The following TMEM67 variants were observed in gnomAD, a reference collection of about 807,000 sequenced individuals.
The protein encoded by TMEM67 is transmembrane protein 67.
Under a neutral mutation model 136.6 loss-of-function variants are expected in TMEM67, and 124 were observed. The ratio of observed to expected loss-of-function variants is 0.91; its 90% confidence interval spans 0.78 to 1.05. The LOEUF is 1.05. TMEM67 is among the 50% of genes least tolerant of loss of function. The pLI is 0.00. For missense variants in TMEM67, 1,107 were observed against 1,178.4 expected (o/e 0.94, Z 0.89); for synonymous variants, 364 against 390.5 (o/e 0.93, Z 0.80).
chr8:93,796,037 TA>T, intron 18 of TMEM67, 50 bp downstream of exon 18: 1 of 1,154,538 alleles, frequency 8.7e-7, no homozygotes, highest in Non-Finnish European at 1.3e-6. Context: ...GCTAATGAAC[TA>T]ACAAGTCTTT....
At chr8:93,815,501 T>G in intron 27 of TMEM67, 54 bp downstream of exon 27, 4 of 1,484,560 alleles carry the variant, frequency 2.7e-6, no homozygotes, top group Non-Finnish European at 3.7e-6. Context: ...GAGAAATATG[T>G]TAGAAGTAGA....
At chr8:93,789,054 C>A (rs1410385315) in intron 14 of TMEM67, among the ~76,000 whole-genome samples, 7 of 152,192 alleles carry the variant, frequency 4.6e-5, no homozygotes, top group Non-Finnish European at 8.8e-5. Context: ...CTATTCTCTT[C>A]TTTCTCTAAA....
intron 7 of TMEM67, among the ~76,000 whole-genome samples, chr8:93,778,783 A>G (rs754879112): frequency 5.3e-5 from 8 of 152,116 alleles, no homozygotes; most frequent in Non-Finnish European, 8.8e-5. Flanking sequence ...GGCTGCCCTG[A>G]ATATTTTTTC....
At chr8:93,756,658 A>G (rs1812585399) in intron 2 of TMEM67, 2 of 152,168 alleles carry the variant, frequency 1.3e-5, no homozygotes, top group Non-Finnish European at 2.9e-5. Context: ...ATTACCATTT[A>G]TTTTATATCT....
chr8:93,805,202 C>T (rs1645617621), intron 23 of TMEM67, among the ~76,000 whole-genome samples: 1 of 152,120 alleles, frequency 6.6e-6, no homozygotes, highest in Non-Finnish European at 1.5e-5. Context: ...GAATCCTGAC[C>T]TCAGGTGATC....
intron 23 of TMEM67, among the ~76,000 whole-genome samples, chr8:93,808,506 GAATATA>G (rs1808545901): frequency 1.3e-4 from 2 of 14,858 alleles, no homozygotes; most frequent in Non-Finnish European, 1.4e-4. Context: ...TATTATAGAT[GAATATA>G]TATATTTATA....
At chr8:93,826,904 A>T in the TMEM67 span, among the ~76,000 whole-genome samples, 1 of 152,128 alleles carries the variant, frequency 6.6e-6, no homozygotes, top group Non-Finnish European at 1.5e-5. Context: ...ATCTCGGCTC[A>T]CCGCAACCTC....
rs183049742 is a variant in TMEM67 at position 93,776,276 on chromosome 8, A to T, written c.714+3625A>T. On this transcript the variant is annotated intron_variant, in intron 7 of 27. Coordinates refer to ENST00000453321, the MANE Select transcript of TMEM67 (RefSeq NM_153704.6). ...GCTGAGACAATGGGGTTTTCTAAAT[A>T]TGCAATCATGTCTTCTGCAAACAGG... Among the ~76,000 whole-genome samples the T allele has an allele frequency of 8.5e-5, 13 of 152,320 alleles. No individual in the cohort carries two copies. The East Asian group carries it at 1.5e-3, about 18-fold the overall frequency.
chr8:93,797,490 AT>A lies in TMEM67; in HGVS notation c.2100+22del, dbSNP rs1262264931. The A allele has an allele frequency of 6.2e-7, 1 of 1,607,756 alleles. No homozygotes were observed. Among genetic ancestry groups the A allele is most frequent in the African/African-American group, 1.3e-5 (1 of 74,788 alleles). ...TTGGAGGTATAAACTGTTTGATGTGATTATATGCGACTTACATGTACCTTAT... is the reference window on the plus strand; with the variant it reads ...TTGGAGGTATAAACTGTTTGATGTGATATATGCGACTTACATGTACCTTAT... On this transcript the variant is annotated intron_variant, in intron 20 of 27. Coordinates refer to ENST00000453321, the MANE Select transcript of TMEM67 (RefSeq NM_153704.6).
At chr8:93,808,985 T>C (rs760525571) in intron 24 of TMEM67, 29 bp downstream of exon 24, 1 of 1,519,368 alleles carries the variant, frequency 6.6e-7, no homozygotes, top group Non-Finnish European at 9.1e-7. Flanking sequence ...TCAGATATAT[T>C]CTGTCAATAT....
Position 93,797,411 on chromosome 8 carries a change from CAG to C in TMEM67, c.2043_2044del (p.Gln681HisfsTer6). ...TGTAGCAAATGAATGGAATGAAATT[CAG>C]ACTGTGAGAAAAATTAATTCACTCT... ...YFVANEWNEI[Q>X]TVRKINSLFQ... On this transcript the variant is annotated frameshift_variant, in exon 20 of 28. Transcript: ENST00000453321. LOFTEE classifies it high-confidence loss of function. The C allele has an allele frequency of 6.2e-7, 1 of 1,613,894 alleles. No homozygotes were observed. The highest frequency in any genetic ancestry group is 8.5e-7 in the Non-Finnish European group (1 of 1,179,806).
the TMEM67 span, among the ~76,000 whole-genome samples, chr8:93,830,220 G>A: frequency 6.6e-6 from 1 of 152,142 alleles, no homozygotes; most frequent in African/African-American, 2.4e-5. Flanking sequence ...CTTCCAAATG[G>A]CTGAGCACAT....
At position 93,802,348 on chromosome 8, in the gene TMEM67, C is replaced by T. The variant is rs983609334; in HGVS notation, c.2242-1256C>T. Among the ~76,000 whole-genome samples the T allele has an allele frequency of 7.2e-5, 11 of 152,296 alleles. No individual in the cohort carries two copies. The South Asian group carries it at 1.2e-3, about 17-fold the overall frequency. ...CATCTTCTTGGCTAGAACTTAATTG[C>T]ATGGCCACACCTAGCTGCACTAGAC... On this transcript the variant is annotated intron_variant, in intron 21 of 27. Transcript: ENST00000453321.
rs570073642 is a variant in TMEM67, at chr8:93,795,144, T to C, written c.1675-265T>C. ...GGAGGATTCCCAACTAAGAGAAAAT[T>C]AGGAAGCAGTTCAATTTTCTTAGAT... On this transcript the variant is annotated intron_variant, in intron 16 of 27. Transcript: ENST00000453321. 8.4e-5 allele frequency: 44 copies of C among 524,284 alleles called. No individual in the cohort carries two copies. In the East Asian group the frequency reaches 1.3e-3, roughly 16 times the overall value. The allele number at this position is 524,284 out of a possible 1,614,324, so 32.5% of individuals were successfully genotyped here.
Position 93,782,467 on chromosome 8 carries a change from T to A in TMEM67, c.1131+7T>A. ...AACAACCTACCAACAAAATGTAAGT[T>A]TGAACGATATTAGTCTATATTTTAG... On this transcript the variant is annotated splice_region_variant and intron_variant, in intron 11 of 27. Transcript: ENST00000453321. 1 of 1,602,690 alleles carries A rather than the reference T, an allele frequency of 6.2e-7. No individual in the cohort carries two copies. The highest frequency in any genetic ancestry group is 8.5e-7 in the Non-Finnish European group (1 of 1,170,782).
chr8:93,799,806 T>C (rs1156395752), intron 21 of TMEM67, 48 bp downstream of exon 21: 1 of 1,487,456 alleles, frequency 6.7e-7, no homozygotes, highest in Non-Finnish European at 9.4e-7. Context: ...ATTGCTTCTT[T>C]ATAACTCTGC....
intron 16 of TMEM67, 56 bp downstream of exon 16, chr8:93,793,352 T>G (rs1443686839): frequency 7.2e-7 from 1 of 1,394,410 alleles, no homozygotes; most frequent in East Asian, 2.3e-5. Context: ...TTCTGGATCC[T>G]TCTCATAAGA....
At position 93,809,174 on chromosome 8, in the gene TMEM67, AC is replaced by A; in HGVS notation, c.2661+14del. The A allele has an allele frequency of 3.6e-6, 5 of 1,382,578 alleles. No individual in the cohort carries two copies. Among genetic ancestry groups the A allele is most frequent in the Non-Finnish European group, 5.2e-6 (5 of 970,518 alleles). 85.6% of individuals were successfully genotyped at this position (1,382,578 alleles called of 1,614,324 possible). A position where few individuals can be genotyped will look rare whatever the true frequency, so the allele number is the denominator to read the frequency against. On this transcript the variant is annotated intron_variant, in intron 25 of 27. Transcript: ENST00000453321. Reference sequence around the variant, plus strand: ...CTTCATTGACCATGTATGTATGTCAACATTTATATTTAAGCTGGGATCAAAT... The same window carrying A: ...CTTCATTGACCATGTATGTATGTCAAATTTATATTTAAGCTGGGATCAAAT...
chr8:93,825,788 T>C, the TMEM67 span, among the ~76,000 whole-genome samples: 1 of 152,204 alleles, frequency 6.6e-6, no homozygotes, highest in Non-Finnish European at 1.5e-5. Context: ...GCATATGCGT[T>C]GTAGAAATGA....
Sources: allele counts gnomAD v4.1 joint callset (sites outside exome capture counted in the v4.1 genomes callset), GRCh38; gene constraint gnomAD v4.1.1; transcripts MANE v1.5; gene names NCBI Gene and HGNC (gene_info 2026-07-23, HGNC 2026-07-21).